The following KLHL21 variants were observed in gnomAD, a reference collection of about 807,000 sequenced individuals.
The protein encoded by KLHL21 is kelch-like protein 21.
A neutral mutation model predicts 44.1 loss-of-function variants in KLHL21; 42 were observed. The ratio of observed to expected loss-of-function variants is 0.95; its 90% CI spans 0.74 to 1.23. The LOEUF is 1.23. KLHL21 is among the 50% of genes most tolerant of loss of function. KLHL21 has a pLI of 0.00. For synonymous variants in KLHL21, 524 were observed against 411.6 expected, an observed-to-expected ratio of 1.27 and a Z score of -3.31; for missense variants, 918 against 889.1, an observed-to-expected ratio of 1.03 and a Z score of -0.41.
In KLHL21 at chr1:6,599,309, C is replaced by T. The variant is rs139131803; in HGVS notation, c.1165G>A (p.Ala389Thr). 77 of 1,613,778 alleles carry T rather than the reference C, an allele frequency of 4.8e-5. 1 individual carries two copies. Among genetic ancestry groups the T allele is most frequent in the Non-Finnish European group, 5.8e-5 (68 of 1,180,026 alleles). ...TGGTCATAGCGCTCGGTGCTGTCGG[C>T]GGCCACCACGTACAGCAGTCCGTCC... is the stretch of plus-strand genomic sequence containing the variant. ...VLDGLLYVVA[A>T]DSTERYDHTT... The change falls in exon 2 of 4, where the codon GCC (alanine) becomes ACC (threonine). Residue 389 changes from alanine to threonine, a missense_variant. Coordinates refer to ENST00000377658, the MANE Select transcript of KLHL21 (RefSeq NM_014851.4).
rs760660606 is a variant in KLHL21 at position 6,599,217 on chromosome 1, C to T, written c.1257G>A (p.Ala419=). 2.5e-5 allele frequency: 40 copies of T among 1,613,984 alleles called. No homozygotes were observed. The highest frequency in any genetic ancestry group is 1.6e-4 in the Middle Eastern group (1 of 6,084). Residue 419 remains alanine (A), a synonymous_variant, in exon 2 of 4, where the codon GCG becomes GCA. Coordinates refer to ENST00000377658, the MANE Select transcript of KLHL21 (RefSeq NM_014851.4). ...CGATGGCATAGAGCCGGCCACGGCA[C>T]GCAGTGGTGGAGCAGTTGTCCATGG... is the stretch of plus-strand genomic sequence containing the variant. ...TYPMDNCSTT[A]CRGRLYAIGS...
In KLHL21 at chr1:6,590,845, G is replaced by A; in HGVS notation, c.*2520C>T. 5.0e-6 allele frequency: 2 copies of A among 398,350 alleles called. No individual in the cohort carries two copies. The highest frequency in any genetic ancestry group is 8.9e-6 in the Non-Finnish European group (2 of 225,922). 24.7% of individuals were successfully genotyped at this position (398,350 alleles called of 1,614,324 possible). A position where few individuals can be genotyped will look rare whatever the true frequency, so the allele number is the denominator to read the frequency against. ...AATATGTCAACCTGCCCGACCCTCTGGGGTGAACTGGATGTGGACACTGGA... is the reference window on the plus strand; with the variant it reads ...AATATGTCAACCTGCCCGACCCTCTAGGGTGAACTGGATGTGGACACTGGA... On this transcript the variant is annotated 3_prime_UTR_variant, in exon 4 of 4. Coordinates refer to ENST00000377658, the MANE Select transcript of KLHL21 (RefSeq NM_014851.4).
intron 2 of KLHL21, 123 bp from the exon 3 acceptor site, chr1:6,595,680 C>A (rs1048563999): frequency 1.3e-6 from 1 of 774,152 alleles, no homozygotes; most frequent in Admixed American, 2.5e-5. Flanking sequence ...TTTCTGATGC[C>A]ATCCAGCAGC....
At position 6,591,008 on chromosome 1, in the gene KLHL21, CAT is replaced by C. The variant is rs1385236159; in HGVS notation, c.*2355_*2356del. 17 of 398,678 alleles carry C rather than the reference CAT, an allele frequency of 4.3e-5. No homozygotes were observed. The highest frequency in any genetic ancestry group is 8.8e-5 in the Admixed American group (2 of 22,736). 24.7% of individuals were successfully genotyped at this position (398,678 alleles called of 1,614,324 possible). A position where few individuals can be genotyped will look rare whatever the true frequency, so the allele number is the denominator to read the frequency against. Reference sequence around the variant, plus strand: ...TGTAGACAAAGTTCTGTACATGTAACATGTGGCCATGCCCAGGCATCCCAGCA... The same window carrying C: ...TGTAGACAAAGTTCTGTACATGTAACGTGGCCATGCCCAGGCATCCCAGCA... On this transcript the variant is annotated 3_prime_UTR_variant, in exon 4 of 4. Transcript: ENST00000377658.
rs545379041 is a variant in KLHL21 at position 6,598,927 on chromosome 1, A to G, written c.1427+120T>C. On this transcript the variant is annotated intron_variant, in intron 2 of 3. Coordinates refer to ENST00000377658, the MANE Select transcript of KLHL21 (RefSeq NM_014851.4). ...AACAAAGAGACAGACCCAGCCTCCA[A>G]CCCCAGCTAGGCCTCAGTTTCTCAT... 9.5e-5 allele frequency: 100 copies of G among 1,054,246 alleles called. 1 individual carries two copies. In the South Asian group the frequency reaches 1.6e-3, roughly 17 times the overall value. The allele number at this position is 1,054,246 out of a possible 1,614,324, so 65.3% of individuals were successfully genotyped here. A position where few individuals can be genotyped will look rare whatever the true frequency, so the allele number is the denominator to read the frequency against.
intron 1 of KLHL21, among the ~76,000 whole-genome samples, chr1:6,600,767 G>T (rs535331061): frequency 6.6e-6 from 1 of 152,374 alleles, no homozygotes; most frequent in Admixed American, 6.5e-5. Context: ...ACTTTCAGAA[G>T]AGGGGAGGGA....
At chr1:6,599,757 C>A (rs1640988755) in intron 1 of KLHL21, 1 of 382,778 alleles carries the variant, frequency 2.6e-6, no homozygotes, top group Non-Finnish European at 4.8e-6. Flanking sequence ...TACACCTCAG[C>A]AGACCAGAGC....
chr1:6,599,722 C>A, intron 1 of KLHL21: 1 of 499,296 alleles, frequency 2.0e-6, no homozygotes, highest in Admixed American at 3.6e-5. Context: ...GCAGCCTCCT[C>A]TGGACACCGC....
chr1:6,599,761 C>T (rs896535183), intron 1 of KLHL21: 8 of 371,186 alleles, frequency 2.2e-5, no homozygotes, highest in African/African-American at 8.2e-5. Flanking sequence ...CCTCAGCAGA[C>T]CAGAGCCCTG....
chr1:6,600,260 G>A (rs1193804932), intron 1 of KLHL21, among the ~76,000 whole-genome samples: 1 of 152,084 alleles, frequency 6.6e-6, no homozygotes, highest in Non-Finnish European at 1.5e-5. Context: ...TGTCCAGGCT[G>A]GTCTCGAACT....
In KLHL21 at chr1:6,590,882, C is replaced by T. The variant is rs1640838087; in HGVS notation, c.*2483G>A. On this transcript the variant is annotated 3_prime_UTR_variant, in exon 4 of 4. Transcript: ENST00000377658. Reference sequence around the variant, plus strand: ...ATGTGGACACTGGAGGGAGGGCGTCCTTTATTACATACGCGTCTCTGAAGT... The same window carrying T: ...ATGTGGACACTGGAGGGAGGGCGTCTTTTATTACATACGCGTCTCTGAAGT... 2.5e-6 allele frequency: 1 copy of T among 398,416 alleles called. No homozygotes were observed. The highest frequency in any genetic ancestry group is 4.4e-6 in the Non-Finnish European group (1 of 226,022). The allele number at this position is 398,416 out of a possible 1,614,324, so 24.7% of individuals were successfully genotyped here.
chr1:6,595,393 G>T, intron 3 of KLHL21, 92 bp downstream of exon 3: 2 of 1,170,292 alleles, frequency 1.7e-6, no homozygotes, highest in Non-Finnish European at 2.5e-6. Context: ...ACCCATCATG[G>T]CTGTGGATCC....
chr1:6,594,363 C>T (rs11591172), intron 3 of KLHL21: 4,593 of 152,370 alleles, frequency 0.03, 94 homozygotes, highest in Non-Finnish European at 0.046. Flanking sequence ...AAGGGGTGGA[C>T]CCTGGTTGTC....
intron 1 of KLHL21, among the ~76,000 whole-genome samples, chr1:6,599,975 G>A (rs899828577): frequency 6.6e-5 from 10 of 152,264 alleles, no homozygotes; most frequent in African/African-American, 2.2e-4. Flanking sequence ...AGGTTACAAA[G>A]CTGTGTTTGG....
rs1640877828 is a variant in KLHL21 at position 6,593,321 on chromosome 1, G to A, written c.*44C>T. On this transcript the variant is annotated 3_prime_UTR_variant, in exon 4 of 4. Coordinates refer to ENST00000377658, the MANE Select transcript of KLHL21 (RefSeq NM_014851.4). ...AGGAGTGGGGCACTGCCCCGCAGAG[G>A]TGCCAGTTACCTGCACCGAGGCCCG... is the stretch of plus-strand genomic sequence containing the variant. 3 of 1,519,152 alleles carry A rather than the reference G, an allele frequency of 2.0e-6. No homozygotes were observed. The highest frequency in any genetic ancestry group is 2.0e-5 in the Admixed American group (1 of 49,310). 94.1% of individuals were successfully genotyped at this position (1,519,152 alleles called of 1,614,324 possible). A position where few individuals can be genotyped will look rare whatever the true frequency, so the allele number is the denominator to read the frequency against.
chr1:6,599,466 T>A lies in KLHL21; in HGVS notation c.1022-14A>T. On this transcript the variant is annotated splice_polypyrimidine_tract_variant and intron_variant, in intron 1 of 3. Coordinates refer to ENST00000377658, the MANE Select transcript of KLHL21 (RefSeq NM_014851.4). ...CATCGGACCCACCTGCCAGGACGCA[T>A]GACAGGCAGAAGATCAGCCCACTCA... The A allele has an allele frequency of 6.3e-7, 1 of 1,588,564 alleles. No homozygotes were observed. Among genetic ancestry groups the A allele is most frequent in the Non-Finnish European group, 8.6e-7 (1 of 1,165,622 alleles).
In KLHL21 at chr1:6,602,566, G is replaced by A. The variant is rs542293434; in HGVS notation, c.252C>T (p.Pro84=). The change falls in exon 1 of 4, where the codon CCC becomes CCT. Residue 84 remains proline, a synonymous_variant. Transcript: ENST00000377658. Reference sequence around the variant, plus strand: ...AGTCCAGCAGCAGCTGCAGCATGTCGGGAGGCACTCCGTGCAGGCGCACCC... The same window carrying A: ...AGTCCAGCAGCAGCTGCAGCATGTCAGGAGGCACTCCGTGCAGGCGCACCC... ...AERVRLHGVP[P]DMLQLLLDFS... is the part of the protein sequence containing the mutation. 2.2e-4 allele frequency: 338 copies of A among 1,535,676 alleles called. 4 individuals are homozygous for A. The South Asian group carries it at 3.8e-3, about 17-fold the overall frequency.
Position 6,591,345 on chromosome 1 carries a change from C to T in KLHL21, c.*2020G>A, listed in dbSNP as rs370483139. 3.6e-5 allele frequency: 9 copies of T among 246,580 alleles called. No individual in the cohort carries two copies. The highest frequency in any genetic ancestry group is 1.8e-4 in the African/African-American group (8 of 45,176). The allele number at this position is 246,580 out of a possible 1,614,324, so 15.3% of individuals were successfully genotyped here. A position where few individuals can be genotyped will look rare whatever the true frequency, so the allele number is the denominator to read the frequency against. On this transcript the variant is annotated 3_prime_UTR_variant, in exon 4 of 4. Coordinates refer to ENST00000377658, the MANE Select transcript of KLHL21 (RefSeq NM_014851.4). Reference sequence around the variant, plus strand: ...GCACCACAGCCCTCATCTGAGTGGCCGACACAAGCCTGGAGTACGGCAGCT... The same window carrying T: ...GCACCACAGCCCTCATCTGAGTGGCTGACACAAGCCTGGAGTACGGCAGCT...
At chr1:6,595,357 G>A (rs1259343448) in intron 3 of KLHL21, 128 bp downstream of exon 3, 1 of 825,070 alleles carries the variant, frequency 1.2e-6, no homozygotes, top group Non-Finnish European at 2.1e-6. Flanking sequence ...GGTAAGAGCA[G>A]CCTTCTATTA....
Sources: allele counts gnomAD v4.1 joint callset (sites outside exome capture counted in the v4.1 genomes callset), GRCh38; gene constraint gnomAD v4.1.1; transcripts MANE v1.5; gene names NCBI Gene and HGNC (gene_info 2026-07-23, HGNC 2026-07-21).